The following CTNNA2 variants were observed in gnomAD, a reference collection of about 807,000 sequenced individuals.
CTNNA2 encodes catenin alpha-2.
In CTNNA2, 42 loss-of-function variants were observed where a neutral mutation model predicts 101.0. That is an observed-to-expected ratio of 0.42 (90% CI 0.32 to 0.54). The LOEUF (loss-of-function observed/expected upper bound fraction) is 0.54, where lower values mean the gene tolerates loss of function less well. Ranked by LOEUF, CTNNA2 falls within the 20% of genes least tolerant of loss-of-function variation. The pLI is 0.14. For missense variants in CTNNA2, 871 were observed against 1,223.1 expected (o/e 0.71, Z 4.29); for synonymous variants, 450 against 456.4 (o/e 0.99, Z 0.18).
At chr2:79,282,470 A>AT (rs1027286319) in intron 2 of CTNNA2, among the ~76,000 whole-genome samples, 4 of 149,886 alleles carry the variant, frequency 2.7e-5, no homozygotes, top group Non-Finnish European at 3.0e-5. Flanking sequence ...ACGTGTTCTC[A>AT]TTGTTCAATT....
intron 7 of CTNNA2, among the ~76,000 whole-genome samples, chr2:80,225,590 G>A (rs1708841433): frequency 6.6e-6 from 1 of 152,140 alleles, no homozygotes; most frequent in East Asian, 1.9e-4. Context: ...ATTCTCCATT[G>A]CCATAGTAGG....
At chr2:79,975,398 T>A (rs933174917) in intron 7 of CTNNA2, among the ~76,000 whole-genome samples, 3 of 151,766 alleles carry the variant, frequency 2.0e-5, no homozygotes, top group Non-Finnish European at 2.9e-5. Context: ...TGTGTGGGAG[T>A]TTCCCCCCAC....
At chr2:79,783,235 A>C (rs1199938444) in intron 3 of CTNNA2, among the ~76,000 whole-genome samples, 2 of 152,200 alleles carry the variant, frequency 1.3e-5, no homozygotes, top group Non-Finnish European at 2.9e-5. Context: ...GGACAGAATC[A>C]GAGTCTTAGA....
chr2:80,510,985 G>C (rs902619568), intron 9 of CTNNA2, among the ~76,000 whole-genome samples: 3 of 152,046 alleles, frequency 2.0e-5, no homozygotes, highest in South Asian at 4.1e-4. Flanking sequence ...CCCTTCCCAG[G>C]GTACTTGCAC....
chr2:79,210,601 C>A (rs557405673), intron 2 of CTNNA2, among the ~76,000 whole-genome samples: 1 of 152,070 alleles, frequency 6.6e-6, no homozygotes, highest in East Asian at 1.9e-4. Flanking sequence ...GTGTTGCATG[C>A]ATGGGAGGAG....
intron 3 of CTNNA2, among the ~76,000 whole-genome samples, chr2:79,806,314 G>A (rs899008843): frequency 6.6e-6 from 1 of 152,124 alleles, no homozygotes; most frequent in Admixed American, 6.5e-5. Flanking sequence ...AGATGACTTG[G>A]GAGGCAACTT....
At chr2:79,567,206 G>A (rs931030171) in intron 1 of CTNNA2, among the ~76,000 whole-genome samples, 1 of 152,166 alleles carries the variant, frequency 6.6e-6, no homozygotes, top group Non-Finnish European at 1.5e-5. Context: ...ATTTAATGAA[G>A]TCCTGTGGTT....
intron 9 of CTNNA2, among the ~76,000 whole-genome samples, chr2:80,486,036 C>T (rs1686555937): frequency 6.6e-6 from 1 of 152,046 alleles, no homozygotes. Flanking sequence ...CACCCTCAGA[C>T]TCTGTAAAGA....
chr2:79,535,514 T>A (rs1255649364), intron 1 of CTNNA2, among the ~76,000 whole-genome samples: 1 of 152,098 alleles, frequency 6.6e-6, no homozygotes, highest in African/African-American at 2.4e-5. Flanking sequence ...CATATTTTGC[T>A]TTTATAACCA....
intron 4 of CTNNA2, among the ~76,000 whole-genome samples, chr2:79,868,496 T>C (rs1682319235): frequency 6.6e-6 from 1 of 152,242 alleles, no homozygotes; most frequent in African/African-American, 2.4e-5. Flanking sequence ...CTCAGTGCAC[T>C]TGATAAGGAA....
Position 80,172,603 on chromosome 2 carries a change from G to A in CTNNA2, c.1057-220608G>A, listed in dbSNP as rs994841595. 3.9e-5 allele frequency among the ~76,000 whole-genome samples: 6 copies of A among 152,276 alleles called. 1 individual carries two copies. Among genetic ancestry groups the A allele is most frequent in the South Asian group, 4.1e-4 (2 of 4,822 alleles). On this transcript the variant is annotated intron_variant, in intron 7 of 18. Transcript: ENST00000402739. ...AGTTTCCTAGAGCTGCCATAACAGC[G>A]TGCCATAAACTGGGTGGCTTAAACA...
intron 6 of CTNNA2, among the ~76,000 whole-genome samples, chr2:79,907,822 TA>T (rs1188427880): frequency 6.6e-6 from 1 of 152,204 alleles, no homozygotes; most frequent in Non-Finnish European, 1.5e-5. Flanking sequence ...AGTGATTTTC[TA>T]AAAAATCCAA....
At chr2:79,581,762 T>C (rs1676161804) in intron 1 of CTNNA2, among the ~76,000 whole-genome samples, 1 of 152,208 alleles carries the variant, frequency 6.6e-6, no homozygotes, top group South Asian at 2.1e-4. Context: ...ATCACATTTA[T>C]TATTATGACT....
intron 1 of CTNNA2, among the ~76,000 whole-genome samples, chr2:79,632,443 G>A (rs371631445): frequency 1.9e-4 from 29 of 152,058 alleles, no homozygotes; most frequent in South Asian, 1.5e-3. Flanking sequence ...TCTGTTTATC[G>A]ACAAATAGCT....
chr2:80,229,954 A>AT (rs898889184), intron 7 of CTNNA2, among the ~76,000 whole-genome samples: 1 of 152,064 alleles, frequency 6.6e-6, no homozygotes, highest in Non-Finnish European at 1.5e-5. Context: ...GTCCTATAAG[A>AT]TTACAATACC....
Position 79,909,603 on chromosome 2 carries a change from A to C in CTNNA2, c.862A>C (p.Ile288Leu), listed in dbSNP as rs764100817. The change falls in exon 7 of 19, where the codon ATC becomes CTC. Residue 288 changes from isoleucine (I) to leucine (L), a missense_variant. Ile to Leu is a conservative substitution (Grantham distance 5). This residue lies in a region of CTNNA2 where 647 missense variants were observed against 831.5 expected (regional missense o/e 0.78). Transcript: ENST00000402739. ...TGTGTGATACTTTCAGAATAAGATT[A>C]TCCTGGACCCCATGACGTTCAGCGA... ...AALNEFDNKI[I>L]LDPMTFSEAR... 2 of 1,610,674 alleles carry C rather than the reference A, an allele frequency of 1.2e-6. No individual in the cohort carries two copies. The highest frequency in any genetic ancestry group is 2.2e-5 in the South Asian group (2 of 90,818).
chr2:80,155,786 A>AT (rs11453959), intron 7 of CTNNA2, among the ~76,000 whole-genome samples: 1,788 of 152,146 alleles, frequency 0.012, 41 homozygotes, highest in African/African-American at 0.039. Context: ...TTCTATTGGC[A>AT]TTTTTTCTGT....
chr2:80,259,961 A>G (rs1171032818), intron 7 of CTNNA2, among the ~76,000 whole-genome samples: 1 of 152,222 alleles, frequency 6.6e-6, no homozygotes, highest in Non-Finnish European at 1.5e-5. Context: ...GCCAATAAGA[A>G]TAAGAATAAC....
chr2:79,929,159 G>A (rs904264419), intron 7 of CTNNA2, among the ~76,000 whole-genome samples: 12 of 152,110 alleles, frequency 7.9e-5, no homozygotes, highest in African/African-American at 1.9e-4. Flanking sequence ...GGGCATTTTG[G>A]TGGATTAGCA....
Sources: gnomAD v4.1 joint callset for allele counts (sites outside exome capture counted in the v4.1 genomes callset) on GRCh38, gnomAD v4.1.1 for gene constraint, gnomAD v4.1.1 regional missense constraint, MANE v1.5 for transcripts, NCBI Gene and HGNC (gene_info 2026-07-23, HGNC 2026-07-21) for gene names.